The following NAALADL2 variants were observed in gnomAD, a reference collection of about 807,000 sequenced individuals.
NAALADL2 encodes the protein N-acetylated alpha-linked acidic dipeptidase like 2.
A neutral mutation model predicts 87.2 loss-of-function variants in NAALADL2; 76 were observed. The ratio of observed to expected loss-of-function variants is 0.87; its 90% CI spans 0.72 to 1.05. The LOEUF is 1.05. Ranked by LOEUF, NAALADL2 falls within the 50% of genes least tolerant of loss-of-function variation. The probability of loss-of-function intolerance (pLI) is 0.00; values close to 1 mark genes in which losing one functional copy is unlikely to be tolerated. For missense variants in NAALADL2, 1,089 were observed against 945.8 expected (o/e 1.15, Z -1.99); for synonymous variants, 354 against 331.0 (o/e 1.07, Z -0.75).
At position 175,042,463 on chromosome 3, in the gene NAALADL2, G is replaced by A. The variant is rs566923915; in HGVS notation, c.44-54327G>A. 2.6e-4 allele frequency among the ~76,000 whole-genome samples: 39 copies of A among 152,186 alleles called. No individual in the cohort carries two copies. In the East Asian group the frequency reaches 7.0e-3, roughly 27 times the overall value. ...TTTATTTCACTGTAATATATACACA[G>A]AATTGGGTTTGTTGGATCACATGAC... On this transcript the variant is annotated intron_variant, in intron 1 of 13. Coordinates refer to ENST00000454872, the MANE Select transcript of NAALADL2 (RefSeq NM_207015.3).
chr3:174,802,582 A>T (rs866122061), intron 3 of NAALADL2, among the ~76,000 whole-genome samples: 6 of 152,122 alleles, frequency 3.9e-5, no homozygotes, highest in Admixed American at 1.3e-4. Flanking sequence ...TGCTGCGACC[A>T]TCAATTCGTC....
At chr3:175,610,031 C>G (rs1462210163) in intron 10 of NAALADL2, among the ~76,000 whole-genome samples, 3 of 152,014 alleles carry the variant, frequency 2.0e-5, no homozygotes, top group African/African-American at 7.2e-5. Flanking sequence ...CTTTTCCAGC[C>G]CTCAAATATC....
At chr3:174,737,507 T>C (rs1298650687) in intron 2 of NAALADL2, 1 of 152,170 alleles carries the variant, frequency 6.6e-6, no homozygotes, top group Non-Finnish European at 1.5e-5. Flanking sequence ...AAGTGAAAAA[T>C]TTGTCTGCTT....
At chr3:175,455,768 C>G (rs1722234074) in intron 6 of NAALADL2, among the ~76,000 whole-genome samples, 2 of 151,982 alleles carry the variant, frequency 1.3e-5, no homozygotes, top group South Asian at 4.1e-4. Flanking sequence ...AAGATAGCTG[C>G]AGACCACAGC....
Position 174,800,619 on chromosome 3 carries a change from G to A in NAALADL2, c.-9+62873G>A, listed in dbSNP as rs144711484. 5.6e-3 allele frequency among the ~76,000 whole-genome samples: 847 copies of A among 152,242 alleles called. 8 individuals are homozygous for A. Among genetic ancestry groups the A allele is most frequent in the African/African-American group, 8.0e-3 (331 of 41,552 alleles). On this transcript the variant is annotated intron_variant, in intron 3 of 3. Transcript: ENST00000434257. ...CCAACAGAGTCCCTACTGGGGCACC[G>A]CCTAGTAGAGCTGTGAGAAGAGGGC...
chr3:175,621,685 C>A (rs917887179), intron 10 of NAALADL2, among the ~76,000 whole-genome samples: 5 of 152,046 alleles, frequency 3.3e-5, no homozygotes, highest in Admixed American at 1.3e-4. Context: ...AAAAATATAA[C>A]AACTATTTAC....
intron 2 of NAALADL2, among the ~76,000 whole-genome samples, chr3:175,144,195 T>C (rs9881727): frequency 0.34 from 52,014 of 151,496 alleles, 8,945 homozygotes; most frequent in Middle Eastern, 0.39. Flanking sequence ...GTCAGCATGC[T>C]GCAATATTAT....
intron 3 of NAALADL2, among the ~76,000 whole-genome samples, chr3:174,820,686 A>T (rs1377942381): frequency 6.6e-6 from 1 of 152,182 alleles, no homozygotes; most frequent in Non-Finnish European, 1.5e-5. Context: ...ATACTGCAAA[A>T]TAATTGACAT....
At chr3:175,583,050 C>G (rs1439916021) in intron 10 of NAALADL2, among the ~76,000 whole-genome samples, 2 of 151,410 alleles carry the variant, frequency 1.3e-5, no homozygotes, top group African/African-American at 4.8e-5. Context: ...TGACAATTTC[C>G]TGTCTAAAAT....
At chr3:175,004,769 T>G (rs1297272172) in intron 1 of NAALADL2, among the ~76,000 whole-genome samples, 1 of 152,164 alleles carries the variant, frequency 6.6e-6, no homozygotes, top group Non-Finnish European at 1.5e-5. Flanking sequence ...TATCATTATC[T>G]TCAGGTTATG....
intron 3 of NAALADL2, among the ~76,000 whole-genome samples, chr3:174,813,962 C>T (rs898700010): frequency 5.3e-5 from 8 of 152,128 alleles, no homozygotes; most frequent in Non-Finnish European, 1.5e-5. Flanking sequence ...CTCCACCCCA[C>T]AGACATACAT....
At chr3:175,719,065 C>G (rs1311526131) in intron 11 of NAALADL2, among the ~76,000 whole-genome samples, 1 of 152,022 alleles carries the variant, frequency 6.6e-6, no homozygotes, top group Non-Finnish European at 1.5e-5. Context: ...TGAATCTCCT[C>G]TGAAATTCTG....
At chr3:174,838,026 A>C (rs1451610964) in intron 3 of NAALADL2, among the ~76,000 whole-genome samples, 21 of 139,332 alleles carry the variant, frequency 1.5e-4, no homozygotes, top group African/African-American at 5.9e-4. Flanking sequence ...AAAAAGAAAA[A>C]AAAAAAAAAA....
At chr3:174,583,101 T>TTTAGTATTAATA (rs1210638288) in intron 2 of NAALADL2, among the ~76,000 whole-genome samples, 6 of 152,180 alleles carry the variant, frequency 3.9e-5, no homozygotes, top group African/African-American at 1.4e-4. Context: ...AATAACTTAA[T>TTTAGTATTAATA]ACAAGGTTAC....
At chr3:175,665,174 A>G (rs191540651) in intron 11 of NAALADL2, among the ~76,000 whole-genome samples, 18 of 152,358 alleles carry the variant, frequency 1.2e-4, no homozygotes, top group Admixed American at 9.8e-4. Flanking sequence ...TTTGAAACTT[A>G]CAATAAGAAA....
At chr3:175,168,042 A>ATT (rs71624300) in intron 2 of NAALADL2, among the ~76,000 whole-genome samples, 3 of 151,424 alleles carry the variant, frequency 2.0e-5, no homozygotes, top group Non-Finnish European at 4.4e-5. Context: ...CACTATTACA[A>ATT]TTTTTTTTCC....
At chr3:175,564,101 C>CT (rs1187010748) in intron 9 of NAALADL2, among the ~76,000 whole-genome samples, 1 of 152,072 alleles carries the variant, frequency 6.6e-6, no homozygotes, top group Non-Finnish European at 1.5e-5. Context: ...CATCCACATC[C>CT]TTTTGCCCTT....
chr3:175,803,020 C>A lies in NAALADL2; in HGVS notation c.2205C>A (p.His735Gln). Residue 735 changes from histidine (H) to glutamine (Q), a missense_variant, in exon 14 of 14, where the codon CAC becomes CAA. Transcript: ENST00000454872. ...PPGFYRNILY[H>Q]LDEKTSRFSI... ...TTCTTTTCAGAAACATCCTCTACCA[C>A]CTTGATGAAAAGACAAGCCGGTTTT... 4.3e-6 allele frequency: 7 copies of A among 1,610,650 alleles called. No individual in the cohort carries two copies. The highest frequency in any genetic ancestry group is 5.9e-6 in the Non-Finnish European group (7 of 1,177,554).
chr3:174,929,359 A>C (rs1736537075), intron 1 of NAALADL2, among the ~76,000 whole-genome samples: 1 of 152,200 alleles, frequency 6.6e-6, no homozygotes, highest in African/African-American at 2.4e-5. Flanking sequence ...GGAAATAATG[A>C]TGAATGACAC....
Sources: gnomAD v4.1 joint callset for allele counts (sites outside exome capture counted in the v4.1 genomes callset) on GRCh38, gnomAD v4.1.1 for gene constraint, MANE v1.5 for transcripts, NCBI Gene and HGNC (gene_info 2026-07-23, HGNC 2026-07-21) for gene names.